The following OCA2 variants were observed in gnomAD, a reference collection of about 807,000 sequenced individuals.
OCA2 encodes the protein P protein.
In OCA2, 77 loss-of-function variants were observed where a neutral mutation model predicts 100.2. The ratio of observed to expected loss-of-function variants is 0.77; its 90% confidence interval spans 0.64 to 0.93. OCA2 has a LOEUF of 0.93. Among genes scored for constraint, OCA2 ranks in the 40% least tolerant of loss-of-function variants. The pLI is 0.00. For missense variants in OCA2, 1,062 were observed against 1,089.1 expected, an observed-to-expected ratio of 0.98 and a Z score of 0.35; for synonymous variants, 432 against 439.2, an observed-to-expected ratio of 0.98 and a Z score of 0.21.
At chr15:27,876,440 G>A (rs1308169150) in intron 19 of OCA2, among the ~76,000 whole-genome samples, 1 of 151,908 alleles carries the variant, frequency 6.6e-6, no homozygotes, top group African/African-American at 2.4e-5. Context: ...TAATATCAGG[G>A]TAATACTAGA....
At chr15:27,936,849 C>G (rs1567128089) in intron 18 of OCA2, among the ~76,000 whole-genome samples, 1 of 152,176 alleles carries the variant, frequency 6.6e-6, no homozygotes, top group East Asian at 1.9e-4. Context: ...GCGTGGTTTC[C>G]AATCTGGCTT....
chr15:27,796,716 C>T (rs1180384910), intron 23 of OCA2, among the ~76,000 whole-genome samples: 2 of 152,226 alleles, frequency 1.3e-5, no homozygotes, highest in Admixed American at 6.5e-5. Flanking sequence ...CCAACTCCGC[C>T]GGGCATTTCC....
intron 21 of OCA2, among the ~76,000 whole-genome samples, chr15:27,868,843 C>T (rs770735932): frequency 4.6e-5 from 7 of 152,204 alleles, no homozygotes; most frequent in Non-Finnish European, 1.0e-4. Context: ...AAAACTTATA[C>T]ATTCGATAGG....
intron 19 of OCA2, among the ~76,000 whole-genome samples, chr15:27,878,498 A>C (rs1010720399): frequency 6.6e-6 from 1 of 152,092 alleles, no homozygotes; most frequent in Admixed American, 6.6e-5. Context: ...CTGGCTTAAA[A>C]GTTCTTTTCT....
At chr15:28,033,082 G>T (rs1831334342) in intron 2 of OCA2, among the ~76,000 whole-genome samples, 1 of 152,192 alleles carries the variant, frequency 6.6e-6, no homozygotes, top group African/African-American at 2.4e-5. Context: ...CATATGGAAG[G>T]ACCACCATAA....
At chr15:27,916,884 G>A (rs1048262797) in intron 19 of OCA2, among the ~76,000 whole-genome samples, 4 of 152,176 alleles carry the variant, frequency 2.6e-5, no homozygotes, top group East Asian at 1.9e-4. Context: ...GACCCAAAAC[G>A]TACGCTGGAG....
intron 22 of OCA2, 118 bp from the exon 23 acceptor site, chr15:27,845,170 C>A (rs1330527849): frequency 1.2e-6 from 1 of 809,254 alleles, no homozygotes; most frequent in South Asian, 1.5e-5. Flanking sequence ...ATTTTATAGT[C>A]AAAGTGACCG....
In OCA2 at chr15:27,999,064, G is replaced by C. The variant is rs957608059; in HGVS notation, c.1045-8417C>G. ...GGGACTGTTGTGGGGTGGGGAGAGG[G>C]GGGAGGGATAGCATTAGGAGATATA... On this transcript the variant is annotated intron_variant, in intron 9 of 23. Coordinates refer to ENST00000354638, the MANE Select transcript of OCA2 (RefSeq NM_000275.3). Among the ~76,000 whole-genome samples, 225 of 152,028 alleles carry C rather than the reference G, an allele frequency of 1.5e-3. 1 individual carries two copies. Among genetic ancestry groups the C allele is most frequent in the Admixed American group, 1.8e-3 (28 of 15,258 alleles).
At chr15:28,012,254 A>AG (rs2042264689) in intron 9 of OCA2, among the ~76,000 whole-genome samples, 2 of 152,224 alleles carry the variant, frequency 1.3e-5, no homozygotes, top group African/African-American at 4.8e-5. Context: ...ACACACCAAT[A>AG]GAAAGACCAC....
chr15:27,792,305 T>C (rs2033122800), intron 23 of OCA2, among the ~76,000 whole-genome samples: 1 of 152,152 alleles, frequency 6.6e-6, no homozygotes, highest in African/African-American at 2.4e-5. Context: ...CCATGCTTTT[T>C]ATGCACATGA....
chr15:27,782,665 G>T (rs1245422096), intron 23 of OCA2, among the ~76,000 whole-genome samples: 1 of 152,192 alleles, frequency 6.6e-6, no homozygotes, highest in African/African-American at 2.4e-5. Flanking sequence ...GAGGGAAGCT[G>T]CTCCTTAATG....
intron 19 of OCA2, among the ~76,000 whole-genome samples, chr15:27,883,164 A>G (rs573676571): frequency 6.6e-6 from 1 of 152,232 alleles, no homozygotes; most frequent in South Asian, 2.1e-4. Flanking sequence ...TGGGGTTGCT[A>G]CAGGATTACT....
At chr15:27,846,688 T>C (rs2035550079) in intron 22 of OCA2, among the ~76,000 whole-genome samples, 1 of 152,164 alleles carries the variant, frequency 6.6e-6, no homozygotes, top group African/African-American at 2.4e-5. Context: ...GAAGGATCTT[T>C]CCATTTCCTT....
At chr15:27,858,393 A>G (rs1161855825) in intron 21 of OCA2, among the ~76,000 whole-genome samples, 3 of 152,088 alleles carry the variant, frequency 2.0e-5, no homozygotes, top group African/African-American at 7.2e-5. Flanking sequence ...AGAAAGAAAA[A>G]AAAAAAAAAA....
At chr15:28,091,784 C>T (rs1418511860) in intron 1 of OCA2, among the ~76,000 whole-genome samples, 1 of 151,594 alleles carries the variant, frequency 6.6e-6, no homozygotes, top group Non-Finnish European at 1.5e-5. Flanking sequence ...GGCGAAACCT[C>T]GTCTCTACTA....
At chr15:27,776,232 C>T (rs1478130778) in intron 23 of OCA2, among the ~76,000 whole-genome samples, 3 of 152,212 alleles carry the variant, frequency 2.0e-5, no homozygotes, top group African/African-American at 7.2e-5. Context: ...GATATATACC[C>T]TTCTCAGTGG....
At chr15:28,084,259 G>T (rs2044734533) in intron 1 of OCA2, among the ~76,000 whole-genome samples, 1 of 152,222 alleles carries the variant, frequency 6.6e-6, no homozygotes, top group Non-Finnish European at 1.5e-5. Context: ...GAGAAATTAT[G>T]TTTGTGGCAT....
intron 23 of OCA2, among the ~76,000 whole-genome samples, chr15:27,775,063 C>CGT (rs66465683): frequency 0.2 from 28,182 of 142,796 alleles, 3,096 homozygotes; most frequent in East Asian, 0.45. Flanking sequence ...TTTTAGAACT[C>CGT]GTGTGTGTGT....
intron 9 of OCA2, among the ~76,000 whole-genome samples, chr15:28,006,048 C>T (rs2042081675): frequency 6.6e-6 from 1 of 152,166 alleles, no homozygotes. Context: ...CTTCTCTGTG[C>T]TTGATGTCCT....
Sources: gnomAD v4.1 joint callset for allele counts (sites outside exome capture counted in the v4.1 genomes callset) on GRCh38, gnomAD v4.1.1 for gene constraint, MANE v1.5 for transcripts, NCBI Gene and HGNC (gene_info 2026-07-23, HGNC 2026-07-21) for gene names.